The following ADGRB2 variants were observed in gnomAD, a reference collection of about 807,000 sequenced individuals.
ADGRB2 encodes the protein brain-specific angiogenesis inhibitor 2.
Under a neutral mutation model 178.7 loss-of-function variants are expected in ADGRB2, and 47 were observed. The observed-to-expected ratio is 0.26, with a 90% CI of 0.21 to 0.34. ADGRB2 has a LOEUF of 0.34. Ranked by LOEUF, ADGRB2 falls within the 10% of genes least tolerant of loss-of-function variation. ADGRB2 has a pLI of 1.00. For synonymous variants in ADGRB2, 870 were observed against 912.4 expected (o/e 0.95, Z 0.84); for missense variants, 1,584 against 2,180.8 (o/e 0.73, Z 5.45).
In ADGRB2 at chr1:31,731,285, G is replaced by A; in HGVS notation, c.3895C>T (p.Pro1299Ser). Reference protein sequence around the residue: ...PEGSLSFSPLPGNILVPMAAS... With the variant: ...PEGSLSFSPLSGNILVPMAAS... ...GCCATGGGCACCAGGATATTCCCAG[G>A]CAGTGGTGAGAAGCTGAGGCTGCCC... The change falls in exon 29 of 33, where the codon CCT (proline) becomes TCT (serine). Residue 1299 changes from proline (P) to serine (S), a missense_variant. Pro to Ser is a moderately conservative substitution (Grantham distance 74, BLOSUM62 -1). Around this residue, in one of 3 missense-constraint regions of ADGRB2, gnomAD observed 865 missense variants for 1,192.8 expected, o/e 0.73. Transcript: ENST00000373658. The A allele has an allele frequency of 1.2e-6, 2 of 1,611,796 alleles. No homozygotes were observed. Among genetic ancestry groups the A allele is most frequent in the Non-Finnish European group, 1.7e-6 (2 of 1,179,494 alleles).
chr1:31,736,379 G>T lies in ADGRB2; in HGVS notation c.3142C>A (p.Leu1048Met). 1 of 1,614,056 alleles carries T rather than the reference G, an allele frequency of 6.2e-7. No homozygotes were observed. Among genetic ancestry groups the T allele is most frequent in the Non-Finnish European group, 8.5e-7 (1 of 1,179,988 alleles). ...AAGCCAACAGACACGGCCACCACCA[G>T]GGCAGGCAGACCTGGGGGAGCAGGG... Reference protein sequence around the residue: ...FLCLGWGLPALVVAVSVGFTR... With the variant: ...FLCLGWGLPAMVVAVSVGFTR... Residue 1048 changes from leucine to methionine, a missense_variant, in exon 22 of 33, where the codon CTG becomes ATG. Transcript: ENST00000373658.
chr1:31,756,838 G>A lies in ADGRB2; in HGVS notation c.22-23C>T. On this transcript the variant is annotated intron_variant, in intron 3 of 32. Transcript: ENST00000373658. This position sits in a 1 kb window ranked among gnomAD's most constrained non-coding sequence, Gnocchi z 8.5. Reference sequence around the variant, plus strand: ...GCCCTGTGGAGAGAGACAGTGGTCAGCGGGCCCCCAGCACAGCCAGCATGG... The same window carrying A: ...GCCCTGTGGAGAGAGACAGTGGTCAACGGGCCCCCAGCACAGCCAGCATGG... The A allele has an allele frequency of 6.9e-7, 1 of 1,453,664 alleles. No homozygotes were observed. Among genetic ancestry groups the A allele is most frequent in the Non-Finnish European group, 9.1e-7 (1 of 1,100,338 alleles). 90.0% of individuals were successfully genotyped at this position (1,453,664 alleles called of 1,614,324 possible).
Position 31,739,339 on chromosome 1 carries a change from G to T in ADGRB2, c.2464C>A (p.Arg822Ser), listed in dbSNP as rs909211520. ...SYFVIGAVLYRTLGLILPPPR... is the reference protein window; with the variant it reads ...SYFVIGAVLYSTLGLILPPPR... ...GGCGGCAGGATGAGGCCAAGGGTGC[G>T]GTAGAGTACAGCACCGATCACAAAG... The change falls in exon 15 of 33, where the codon CGC (arginine) becomes AGC (serine). Residue 822 changes from arginine (R) to serine (S), a missense_variant. Arg to Ser is a moderately radical substitution (Grantham distance 110, BLOSUM62 -1). Coordinates refer to ENST00000373658, the MANE Select transcript of ADGRB2 (RefSeq NM_001364857.2). 10 of 1,461,634 alleles carry T rather than the reference G, an allele frequency of 6.8e-6. No individual in the cohort carries two copies. Among genetic ancestry groups the T allele is most frequent in the Non-Finnish European group, 9.1e-6 (10 of 1,104,206 alleles). 90.5% of individuals were successfully genotyped at this position (1,461,634 alleles called of 1,614,324 possible). A position where few individuals can be genotyped will look rare whatever the true frequency, so the allele number is the denominator to read the frequency against.
rs533834821 is a variant in ADGRB2 at position 31,735,416 on chromosome 1, G to C, written c.3354-135C>G. On this transcript the variant is annotated intron_variant, in intron 24 of 32. Transcript: ENST00000373658. This position sits in a 1 kb window ranked among gnomAD's most constrained non-coding sequence, Gnocchi z 6.0. ...AGAGCTGGGTTAGGGTGGGTGAGGG[G>C]CTGCGGCTGAGCACTCCGGGTGCCC... The C allele has an allele frequency of 4.9e-6, 6 of 1,218,968 alleles. No individual in the cohort carries two copies. Among genetic ancestry groups the C allele is most frequent in the Non-Finnish European group, 2.3e-6 (2 of 853,142 alleles). 75.5% of individuals were successfully genotyped at this position (1,218,968 alleles called of 1,614,324 possible).
At chr1:31,738,795 A>G (rs932600026) in intron 16 of ADGRB2, 37 bp downstream of exon 16, 1 of 1,608,626 alleles carries the variant, frequency 6.2e-7, no homozygotes, top group African/African-American at 1.3e-5. Flanking sequence ...ACCCAGGTTG[A>G]GGTGCACCCA....
chr1:31,756,131 T>C lies in ADGRB2; in HGVS notation c.706A>G (p.Thr236Ala). Residue 236 changes from threonine (T) to alanine (A), a missense_variant, in exon 4 of 33, where the codon ACC becomes GCC. Around this residue, in one of 3 missense-constraint regions of ADGRB2, gnomAD observed 657 missense variants for 847.6 expected, o/e 0.78. Transcript: ENST00000373658. The surrounding 1 kb of genome is among the most constrained non-coding windows in gnomAD (Gnocchi z 8.5). ...GCAGCAGGAGGGCCTGGAGATGTGG[T>C]GGTGGTGGAGCCGGCCCCCGCCTCT... ...PGEAGAGSTT[T>A]TSPGPPAAHT... The C allele has an allele frequency of 6.2e-7, 1 of 1,613,274 alleles. No individual in the cohort carries two copies.
chr1:31,760,834 A>T (rs1647021436), intron 1 of ADGRB2: 1 of 152,184 alleles, frequency 6.6e-6, no homozygotes, highest in Admixed American at 6.5e-5. Flanking sequence ...GCCCTGGGGG[A>T]CGCACACCCT....
chr1:31,740,538 T>G lies in ADGRB2; in HGVS notation c.1798A>C (p.Arg600=). 6.2e-7 allele frequency: 1 copy of G among 1,602,006 alleles called. No homozygotes were observed. ...CGCTGCCCCTTGGCCAGGTGCTCCC[T>G]AAGCTGTAGGTGATGAGGGGGCCAC... ...HEYRYLYLSL[R]EHLAKGQRML... is the part of the protein sequence containing the mutation. The change falls in exon 12 of 33, where the codon AGG becomes CGG. Residue 600 remains arginine, a synonymous_variant. Transcript: ENST00000373658. The surrounding 1 kb of genome is among the most constrained non-coding windows in gnomAD (Gnocchi z 5.9).
chr1:31,763,333 A>C (rs1293196438), intron 1 of ADGRB2, among the ~76,000 whole-genome samples: 2 of 149,034 alleles, frequency 1.3e-5, no homozygotes, highest in Non-Finnish European at 3.0e-5. Context: ...AATAGAGAAG[A>C]AGCATGGTCG....
At chr1:31,734,663 C>T (rs890012796) in intron 25 of ADGRB2, among the ~76,000 whole-genome samples, 1 of 152,172 alleles carries the variant, frequency 6.6e-6, no homozygotes, top group Admixed American at 6.5e-5. Context: ...GGGCGGGGGT[C>T]TCAGTGAAAT....
At chr1:31,750,205 C>T (rs1646495954) in intron 4 of ADGRB2, among the ~76,000 whole-genome samples, 1 of 152,306 alleles carries the variant, frequency 6.6e-6, no homozygotes, top group East Asian at 1.9e-4. Context: ...TTTTCTATGG[C>T]CTAGTCCCCA....
intron 7 of ADGRB2, 35 bp downstream of exon 7, chr1:31,742,803 C>T (rs1345439357): frequency 7.1e-7 from 1 of 1,403,652 alleles, no homozygotes; most frequent in African/African-American, 1.5e-5. Context: ...CCGGGCTGGG[C>T]AGCGCCCTCA....
Position 31,728,380 on chromosome 1 carries a change from G to T in ADGRB2, c.4417-100C>A. 7.3e-7 allele frequency: 1 copy of T among 1,369,032 alleles called. No individual in the cohort carries two copies. Among genetic ancestry groups the T allele is most frequent in the Non-Finnish European group, 1.0e-6 (1 of 975,532 alleles). The allele number at this position is 1,369,032 out of a possible 1,614,324, so 84.8% of individuals were successfully genotyped here. ...CCCCAAGCCCCCCACATCCCTCCCT[G>T]CTGCCAGCCCCTCTGGGACAAGACC... On this transcript the variant is annotated intron_variant, in intron 30 of 32. Coordinates refer to ENST00000373658, the MANE Select transcript of ADGRB2 (RefSeq NM_001364857.2). The surrounding 1 kb of genome is among the most constrained non-coding windows in gnomAD (Gnocchi z 6.7).
At position 31,742,229 on chromosome 1, in the gene ADGRB2, G is replaced by C. The variant is rs754270808; in HGVS notation, c.1253-12C>G. 1 of 1,585,194 alleles carries C rather than the reference G, an allele frequency of 6.3e-7. No individual in the cohort carries two copies. Among genetic ancestry groups the C allele is most frequent in the Non-Finnish European group, 8.6e-7 (1 of 1,163,074 alleles). On this transcript the variant is annotated splice_polypyrimidine_tract_variant and intron_variant, in intron 7 of 32. Coordinates refer to ENST00000373658, the MANE Select transcript of ADGRB2 (RefSeq NM_001364857.2). ...CCACTGGCCTTCCACTGCATGGGGA[G>C]ACACAAGCAGGGGTGGCTGTTGAGC...
chr1:31,738,703 G>A, intron 16 of ADGRB2, 73 bp from the exon 17 acceptor site: 1 of 1,600,044 alleles, frequency 6.2e-7, no homozygotes, highest in Non-Finnish European at 8.6e-7. Flanking sequence ...CATGCCATGG[G>A]GGCCACAGCA....
intron 4 of ADGRB2, among the ~76,000 whole-genome samples, chr1:31,751,165 A>AC (rs1353766258): frequency 6.6e-6 from 1 of 151,916 alleles, no homozygotes; most frequent in Non-Finnish European, 1.5e-5. Flanking sequence ...TATAGCTCCT[A>AC]CCCCCGGCGT....
chr1:31,739,620 C>G lies in ADGRB2; in HGVS notation c.2183G>C (p.Arg728Pro). The G allele has an allele frequency of 1.9e-6, 3 of 1,590,570 alleles. No homozygotes were observed. Among genetic ancestry groups the G allele is most frequent in the East Asian group, 2.2e-5 (1 of 44,624 alleles). The part of the protein sequence containing the change: ...VTDNLVISIQ[R>P]EPVSAVSSDI... ...ACTGGACACAGCTGAGACGGGCTCT[C>G]GCTGAATGCTGATCACTGCAGTGGG... is the stretch of plus-strand genomic sequence containing the variant. Residue 728 changes from arginine to proline, a missense_variant, in exon 15 of 33, where the codon CGA becomes CCA. Coordinates refer to ENST00000373658, the MANE Select transcript of ADGRB2 (RefSeq NM_001364857.2).
At position 31,733,138 on chromosome 1, in the gene ADGRB2, G is replaced by T; in HGVS notation, c.3458C>A (p.Ser1153Ter). 1 of 1,578,278 alleles carries T rather than the reference G, an allele frequency of 6.3e-7. No individual in the cohort carries two copies. The highest frequency in any genetic ancestry group is 2.3e-5 in the East Asian group (1 of 42,958). ...SSASARNAMA[S>*]LWSSCVVLPL... ...CAGCACCACGCAGGAGCTCCAGAGT[G>T]AGGCCCTGAGGGGACAGTGGCAGAG... is the stretch of plus-strand genomic sequence containing the variant. The change falls in exon 26 of 33, where the codon TCA (serine) becomes TAA (stop). Residue 1153 changes from serine (S) to a stop codon, truncating the protein, a stop_gained. Coordinates refer to ENST00000373658, the MANE Select transcript of ADGRB2 (RefSeq NM_001364857.2). LOFTEE classifies it high-confidence loss of function. The surrounding 1 kb of genome is among the most constrained non-coding windows in gnomAD (Gnocchi z 4.3).
In ADGRB2 at chr1:31,740,363, G is replaced by A. The variant is rs760929579; in HGVS notation, c.1973C>T (p.Ser658Leu). Reference protein sequence around the residue: ...DTFKRATYVPSADDVQRFFQV... With the variant: ...DTFKRATYVPLADDVQRFFQV... ...AGGCAGTACCTGCACATCATCAGCCGAGGGCACGTAGGTGGCCCTCTTAAA... is the reference window on the plus strand; with the variant it reads ...AGGCAGTACCTGCACATCATCAGCCAAGGGCACGTAGGTGGCCCTCTTAAA... The change falls in exon 12 of 33, where the codon TCG becomes TTG. Residue 658 changes from serine to leucine, a missense_variant. Ser to Leu is a moderately radical substitution (Grantham distance 145). Coordinates refer to ENST00000373658, the MANE Select transcript of ADGRB2 (RefSeq NM_001364857.2). This position sits in a 1 kb window ranked among gnomAD's most constrained non-coding sequence, Gnocchi z 5.9. 5.0e-6 allele frequency: 8 copies of A among 1,612,668 alleles called. No individual in the cohort carries two copies. The highest frequency in any genetic ancestry group is 2.7e-5 in the African/African-American group (2 of 74,918).
Sources: allele counts gnomAD v4.1 joint callset (sites outside exome capture counted in the v4.1 genomes callset), GRCh38; gene constraint gnomAD v4.1.1; regional missense constraint gnomAD v4.1.1; non-coding constraint Gnocchi (gnomAD v3.1); transcripts MANE v1.5; gene names NCBI Gene and HGNC (gene_info 2026-07-23, HGNC 2026-07-21).